Variants in OVGP1 observed in about 807,000 individuals in gnomAD.
The protein encoded by OVGP1 is oviduct-specific glycoprotein.
OVGP1 carries 26 observed loss-of-function variants against 48.2 expected under a neutral mutation model. The observed-to-expected ratio is 0.54, with a 90% CI of 0.40 to 0.75. The LOEUF (loss-of-function observed/expected upper bound fraction) is 0.75. Among genes scored for constraint, OVGP1 ranks in the 30% least tolerant of loss-of-function variants. The pLI is 0.00. For missense variants in OVGP1, 791 were observed against 820.6 expected, an observed-to-expected ratio of 0.96 and a Z score of 0.44; for synonymous variants, 294 against 305.7, an observed-to-expected ratio of 0.96 and a Z score of 0.40.
intron 9 of OVGP1, 34 bp downstream of exon 9, chr1:111,419,576 C>T (rs755066060): frequency 2.6e-5 from 32 of 1,248,668 alleles, no homozygotes; most frequent in Non-Finnish European, 3.3e-5. Flanking sequence ...GGTAGGAAAC[C>T]ATGTGCTGGA....
chr1:111,419,388 C>A (rs561793989), intron 9 of OVGP1, among the ~76,000 whole-genome samples: 28 of 152,252 alleles, frequency 1.8e-4, no homozygotes, highest in African/African-American at 6.7e-4. Flanking sequence ...ACTATTTATT[C>A]CCTCAGAACC....
rs112700856 is a variant in OVGP1, at chr1:111,415,233, A to C, written c.1268T>G (p.Ile423Ser). The change falls in exon 11 of 11, where the codon ATT (isoleucine) becomes AGT (serine). Residue 423 changes from isoleucine (I) to serine (S), a missense_variant. Coordinates refer to ENST00000369732, the MANE Select transcript of OVGP1 (RefSeq NM_002557.4). ...VTTAWTTDSKILPPGGEAGVT... is the reference protein window; with the variant it reads ...VTTAWTTDSKSLPPGGEAGVT... ...CCCAGCCTCTCCTCCTGGGGGCAAAATCTTACTATCAGTGGTCCATGCCGT... is the reference window on the plus strand; with the variant it reads ...CCCAGCCTCTCCTCCTGGGGGCAAACTCTTACTATCAGTGGTCCATGCCGT... The C allele has an allele frequency of 5.6e-6, 9 of 1,614,058 alleles. No individual in the cohort carries two copies. Among genetic ancestry groups the C allele is most frequent in the Non-Finnish European group, 7.6e-6 (9 of 1,180,028 alleles).
At chr1:111,420,831 G>GAGCC (rs1455607485) in intron 8 of OVGP1, among the ~76,000 whole-genome samples, 1 of 152,142 alleles carries the variant, frequency 6.6e-6, no homozygotes, top group Admixed American at 6.5e-5. Context: ...GGGAGGGAGG[G>GAGCC]AGCCAGCAGA....
Position 111,421,555 on chromosome 1 carries a change from C to T in OVGP1, c.717+10G>A. 1 of 1,610,982 alleles carries T rather than the reference C, an allele frequency of 6.2e-7. No individual in the cohort carries two copies. Among genetic ancestry groups the T allele is most frequent in the Non-Finnish European group, 8.5e-7 (1 of 1,177,152 alleles). On this transcript the variant is annotated intron_variant, in intron 7 of 10. Transcript: ENST00000369732. The stretch of plus-strand genomic sequence containing the variant: ...ATGTCTGGACCACCTGAGATCTTTC[C>T]TTTCCTTACCGAAGATTTGGGGTCT...
chr1:111,416,391 C>A lies in OVGP1; in HGVS notation c.1088G>T (p.Arg363Met). Residue 363 changes from arginine to methionine, a missense_variant, in exon 10 of 11, where the codon AGG (arginine) becomes ATG (methionine). Arg to Met is a moderately conservative substitution (Grantham distance 91). Coordinates refer to ENST00000369732, the MANE Select transcript of OVGP1 (RefSeq NM_002557.4). ...AGGGCCAGTGCCACAGAACGTGCCC[C>A]TGACGTCATCCATGTCCAATGTCCA... ...MVWTLDMDDV[R>M]GTFCGTGPFP... 6.2e-7 allele frequency: 1 copy of A among 1,609,660 alleles called. No individual in the cohort carries two copies. Among genetic ancestry groups the A allele is most frequent in the Non-Finnish European group, 8.5e-7 (1 of 1,178,042 alleles).
chr1:111,419,614 T>TAACTGA lies in OVGP1; in HGVS notation c.1010_1015dup (p.Phe337_Ser338dup), dbSNP rs1652211726. 1 of 1,584,926 alleles carries TAACTGA rather than the reference T, an allele frequency of 6.3e-7. No individual in the cohort carries two copies. The highest frequency in any genetic ancestry group is 1.7e-5 in the Admixed American group (1 of 60,008). On this transcript the variant is annotated inframe_insertion, in exon 9 of 11. Transcript: ENST00000369732. ...ATGAAAGAGCCAGGGTCTCACCTTG[T>TAACTGA]AACTGAAGCTGATGGCATTGTCATA...
At position 111,419,733 on chromosome 1, in the gene OVGP1, A is replaced by C. The variant is rs1435096879; in HGVS notation, c.904-7T>G. 6.4e-7 allele frequency: 1 copy of C among 1,562,872 alleles called. No homozygotes were observed. The highest frequency in any genetic ancestry group is 1.4e-5 in the African/African-American group (1 of 74,036). Reference sequence around the variant, plus strand: ...CCCAGACAAAGGAACAAATCTGCCAAGAGGACCACCAGGTTAGTTCTGGGA... The same window carrying C: ...CCCAGACAAAGGAACAAATCTGCCACGAGGACCACCAGGTTAGTTCTGGGA... On this transcript the variant is annotated splice_polypyrimidine_tract_variant and splice_region_variant and intron_variant, in intron 8 of 10. Coordinates refer to ENST00000369732, the MANE Select transcript of OVGP1 (RefSeq NM_002557.4).
At chr1:111,426,897 C>A (rs764574050) in intron 2 of OVGP1, 165 bp downstream of exon 2, 22 of 1,546,196 alleles carry the variant, frequency 1.4e-5, no homozygotes, top group Non-Finnish European at 1.9e-5. Context: ...ACACAGTCAG[C>A]GACACAAACA....
chr1:111,427,133 C>G (rs1451839772), intron 1 of OVGP1, 42 bp from the exon 2 acceptor site: 1 of 1,613,754 alleles, frequency 6.2e-7, no homozygotes, highest in African/African-American at 1.3e-5. Flanking sequence ...GATTCATACC[C>G]TCACCAGAGT....
At chr1:111,418,119 A>G (rs1390535244) in intron 9 of OVGP1, among the ~76,000 whole-genome samples, 4 of 152,202 alleles carry the variant, frequency 2.6e-5, no homozygotes, top group African/African-American at 9.7e-5. Flanking sequence ...ATAATCCCCA[A>G]GGTCTCTTTT....
chr1:111,426,918 A>G, intron 2 of OVGP1, 144 bp downstream of exon 2: 2 of 1,553,008 alleles, frequency 1.3e-6, no homozygotes, highest in Non-Finnish European at 1.7e-6. Context: ...GCAGGTGACC[A>G]AAAATCCTCT....
Position 111,414,496 on chromosome 1 carries a change from G to A in OVGP1, c.2005C>T (p.Pro669Ser), listed in dbSNP as rs887490177. The change falls in exon 11 of 11, where the codon CCA (proline) becomes TCA (serine). Residue 669 changes from proline to serine, a missense_variant. Coordinates refer to ENST00000369732, the MANE Select transcript of OVGP1 (RefSeq NM_002557.4). ...TCTTCATCCACAGCAGAGTTTTCTG[G>A]GATTTCTTTTTTTAGAGAAAGAGGA... is the stretch of plus-strand genomic sequence containing the variant. ...TSPLSLKKEIPENSAVDEEA is the reference protein window; with the variant it reads ...TSPLSLKKEISENSAVDEEA 6.2e-7 allele frequency: 1 copy of A among 1,613,258 alleles called. No individual in the cohort carries two copies. Among genetic ancestry groups the A allele is most frequent in the Non-Finnish European group, 8.5e-7 (1 of 1,179,530 alleles).
intron 3 of OVGP1, 112 bp from the exon 4 acceptor site, chr1:111,425,551 G>A: frequency 1.9e-6 from 3 of 1,550,450 alleles, no homozygotes; most frequent in East Asian, 4.8e-5. Flanking sequence ...GGAGAGATGG[G>A]AGGTAAGGAA....
Position 111,415,198 on chromosome 1 carries a change from T to C in OVGP1, c.1303A>G (p.Ile435Val). 2 of 1,614,202 alleles carry C rather than the reference T, an allele frequency of 1.2e-6. No homozygotes were observed. Among genetic ancestry groups the C allele is most frequent in the Middle Eastern group, 1.7e-4 (1 of 6,060 alleles). The change falls in exon 11 of 11, where the codon ATC becomes GTC. Residue 435 changes from isoleucine (I) to valine (V), a missense_variant. Coordinates refer to ENST00000369732, the MANE Select transcript of OVGP1 (RefSeq NM_002557.4). ...GTCATATTTTCACACTTTCCGTGGA[T>C]CTCAGTGACCCCAGCCTCTCCTCCT... ...PPGGEAGVTE[I>V]HGKCENMTIT...
At chr1:111,416,938 C>T (rs963619050) in intron 9 of OVGP1, among the ~76,000 whole-genome samples, 14 of 152,158 alleles carry the variant, frequency 9.2e-5, no homozygotes, top group Admixed American at 4.6e-4. Flanking sequence ...GGTTTCCATT[C>T]GAGAAGATGA....
chr1:111,416,792 C>T (rs1652148884), intron 9 of OVGP1: 1 of 186,386 alleles, frequency 5.4e-6, no homozygotes, highest in South Asian at 1.9e-4. Flanking sequence ...AAGCCAGGCA[C>T]AAAATAAGAA....
intron 8 of OVGP1, among the ~76,000 whole-genome samples, chr1:111,420,703 T>C (rs1652246171): frequency 6.6e-6 from 1 of 152,202 alleles, no homozygotes; most frequent in Admixed American, 6.5e-5. Context: ...ACATGTCTCT[T>C]TCCGCCACCC....
intron 8 of OVGP1, 114 bp downstream of exon 8, chr1:111,421,162 C>T: frequency 2.2e-6 from 2 of 890,448 alleles, no homozygotes; most frequent in Non-Finnish European, 3.3e-6. Context: ...TAATAGACCA[C>T]CTCTTTGCCC....
Position 111,414,348 on chromosome 1 carries a change from A to G in OVGP1, c.*116T>C. ...TGTGTTTACAGTTTATTTAATGGAA[A>G]AGAGATTGGCCTATTCTGGTTTTGA... On this transcript the variant is annotated 3_prime_UTR_variant, in exon 11 of 11. Transcript: ENST00000369732. 1 of 825,210 alleles carries G rather than the reference A, an allele frequency of 1.2e-6. No individual in the cohort carries two copies. The highest frequency in any genetic ancestry group is 1.9e-6 in the Non-Finnish European group (1 of 526,966). The allele number at this position is 825,210 out of a possible 1,614,324, so 51.1% of individuals were successfully genotyped here.
Sources: allele counts gnomAD v4.1 joint callset (sites outside exome capture counted in the v4.1 genomes callset), GRCh38; gene constraint gnomAD v4.1.1; transcripts MANE v1.5; gene names NCBI Gene and HGNC (gene_info 2026-07-23, HGNC 2026-07-21).